The following PPP1R1C variants were observed in gnomAD, a reference collection of about 807,000 sequenced individuals.
The protein encoded by PPP1R1C is protein phosphatase 1 regulatory subunit 1C.
Under a neutral mutation model 17.4 loss-of-function variants are expected in PPP1R1C, and 15 were observed. The ratio of observed to expected loss-of-function variants is 0.86; its 90% CI spans 0.58 to 1.33. The LOEUF is 1.33. Among genes scored for constraint, PPP1R1C ranks in the 40% most tolerant of loss-of-function variants. The pLI, the probability that PPP1R1C is intolerant of heterozygous loss-of-function variation, is 0.00. For synonymous variants in PPP1R1C, 35 were observed against 43.1 expected (o/e 0.81, Z 0.73); for missense variants, 143 against 130.0 (o/e 1.10, Z -0.48).
At chr2:181,993,049 T>TA (rs924319454) in intron 2 of PPP1R1C, among the ~76,000 whole-genome samples, 5 of 152,198 alleles carry the variant, frequency 3.3e-5, no homozygotes, top group South Asian at 2.1e-4. Context: ...GAAACTAAGT[T>TA]AAAAAAACAG....
At chr2:182,098,118 A>G (rs949771180) in intron 4 of PPP1R1C, among the ~76,000 whole-genome samples, 3 of 152,132 alleles carry the variant, frequency 2.0e-5, no homozygotes, top group African/African-American at 7.2e-5. Context: ...ACAATTGATA[A>G]CAGACACCCC....
chr2:182,052,373 C>G (rs1687550144), intron 2 of PPP1R1C, among the ~76,000 whole-genome samples: 1 of 152,152 alleles, frequency 6.6e-6, no homozygotes, highest in Non-Finnish European at 1.5e-5. Context: ...TCTCAATTTC[C>G]TTTCTCCTGT....
At chr2:182,119,995 G>C (rs1689692444), downstream of PPP1R1C, among the ~76,000 whole-genome samples, 1 of 152,158 alleles carries the variant, frequency 6.6e-6, no homozygotes, top group Non-Finnish European at 1.5e-5. Flanking sequence ...CCTATGTCCT[G>C]AATGGTATTG....
At chr2:182,031,202 C>T (rs550751175) in intron 2 of PPP1R1C, among the ~76,000 whole-genome samples, 22 of 152,290 alleles carry the variant, frequency 1.4e-4, no homozygotes, top group East Asian at 7.7e-4. Flanking sequence ...AGCTGTAGAC[C>T]GGAGCTGTTC....
At chr2:182,003,716 G>T (rs1021409733) in intron 2 of PPP1R1C, among the ~76,000 whole-genome samples, 1 of 151,800 alleles carries the variant, frequency 6.6e-6, no homozygotes, top group Admixed American at 6.6e-5. Context: ...TGTAGTGTGT[G>T]TGTATGTAAA....
At chr2:182,062,838 A>T (rs778559545) in intron 3 of PPP1R1C, among the ~76,000 whole-genome samples, 2 of 152,112 alleles carry the variant, frequency 1.3e-5, no homozygotes, top group Non-Finnish European at 2.9e-5. Context: ...TTCAAAAAGT[A>T]TGTTGTAACT....
intron 2 of PPP1R1C, among the ~76,000 whole-genome samples, chr2:182,055,669 T>G (rs1196520439): frequency 6.6e-6 from 1 of 152,234 alleles, no homozygotes; most frequent in Non-Finnish European, 1.5e-5. Context: ...ATAGTTCATT[T>G]TGTTCAGTAC....
chr2:182,119,678 G>A (rs1689683853), downstream of PPP1R1C, among the ~76,000 whole-genome samples: 1 of 152,120 alleles, frequency 6.6e-6, no homozygotes, highest in Non-Finnish European at 1.5e-5. Flanking sequence ...ATTTTTTCAT[G>A]TGTCTGTTGG....
chr2:182,092,407 A>C (rs961996179), intron 4 of PPP1R1C, among the ~76,000 whole-genome samples: 3 of 152,180 alleles, frequency 2.0e-5, no homozygotes, highest in African/African-American at 7.2e-5. Context: ...GGGTGGGGAC[A>C]CAGAACCAAA....
In PPP1R1C at chr2:182,023,773, A is replaced by G. The variant is rs547449444; in HGVS notation, c.142+35874A>G. The G allele has an allele frequency of 3.9e-5, 6 of 152,194 alleles. No individual in the cohort carries two copies. In the East Asian group the frequency reaches 1.2e-3, roughly 29 times the overall value. The allele number at this position is 152,194 out of a possible 1,614,324, so 9.4% of individuals were successfully genotyped here. Reference sequence around the variant, plus strand: ...ATAGCTGGGACTACAGGCATGCACCATCATGCCTGGCTAATTTTTAATTTA... The same window carrying G: ...ATAGCTGGGACTACAGGCATGCACCGTCATGCCTGGCTAATTTTTAATTTA... On this transcript the variant is annotated intron_variant, in intron 2 of 4. Coordinates refer to ENST00000682840, the MANE Select transcript of PPP1R1C (RefSeq NM_001080545.3).
downstream of PPP1R1C, chr2:182,131,329 G>A (rs1208009103): frequency 6.6e-6 from 1 of 151,950 alleles, no homozygotes; most frequent in East Asian, 1.9e-4. Flanking sequence ...ATGTATATAT[G>A]TATATTCATA....
intron 2 of PPP1R1C, among the ~76,000 whole-genome samples, chr2:182,050,986 A>G (rs548104130): frequency 1.7e-3 from 266 of 152,316 alleles, no homozygotes; most frequent in Non-Finnish European, 3.1e-3. Flanking sequence ...TCAGACAAAA[A>G]CAAAACAACA....
chr2:182,050,409 A>G (rs1013408958), intron 2 of PPP1R1C, among the ~76,000 whole-genome samples: 1 of 152,222 alleles, frequency 6.6e-6, no homozygotes, highest in African/African-American at 2.4e-5. Context: ...GGACTAAATT[A>G]TCTCTCAGAA....
At chr2:182,049,724 C>G (rs1449272829) in intron 2 of PPP1R1C, among the ~76,000 whole-genome samples, 2 of 152,110 alleles carry the variant, frequency 1.3e-5, no homozygotes, top group Non-Finnish European at 2.9e-5. Context: ...AGTTTTAATA[C>G]AATTCAGTTT....
chr2:182,103,708 A>G (rs1689165644), intron 4 of PPP1R1C: 1 of 152,206 alleles, frequency 6.6e-6, no homozygotes, highest in African/African-American at 2.4e-5. Flanking sequence ...TGTAAACTGC[A>G]TGTCCTCAGG....
intron 2 of PPP1R1C, among the ~76,000 whole-genome samples, chr2:182,056,236 A>T (rs1687681491): frequency 6.6e-6 from 1 of 152,172 alleles, no homozygotes; most frequent in African/African-American, 2.4e-5. Flanking sequence ...TTTCACACGA[A>T]GTCAGTTCTG....
intron 3 of PPP1R1C, among the ~76,000 whole-genome samples, chr2:182,063,181 TTA>T (rs1687894558): frequency 6.6e-6 from 1 of 151,968 alleles, no homozygotes; most frequent in Non-Finnish European, 1.5e-5. Context: ...AGGAAAGGAC[TTA>T]TCTTTTTTTT....
At chr2:182,094,937 C>T (rs1688888344) in intron 4 of PPP1R1C, among the ~76,000 whole-genome samples, 1 of 152,138 alleles carries the variant, frequency 6.6e-6, no homozygotes, top group African/African-American at 2.4e-5. Flanking sequence ...CATTGTAAGC[C>T]AAGGAGTATC....
chr2:181,987,555 T>C (rs1196291), intron 1 of PPP1R1C, among the ~76,000 whole-genome samples: 94,041 of 152,070 alleles, frequency 0.62, 30,431 homozygotes, highest in African/African-American at 0.8. Context: ...TGTACCTTCA[T>C]TGTAAATTAA....
Sources: gnomAD v4.1 joint callset for allele counts (sites outside exome capture counted in the v4.1 genomes callset) on GRCh38, gnomAD v4.1.1 for gene constraint, MANE v1.5 for transcripts, NCBI Gene and HGNC (gene_info 2026-07-23, HGNC 2026-07-21) for gene names.